The following PRKD1 variants were observed in gnomAD, a reference collection of about 807,000 sequenced individuals.
The protein encoded by PRKD1 is serine/threonine-protein kinase D1.
Under a neutral mutation model 95.9 loss-of-function variants are expected in PRKD1, and 63 were observed. The ratio of observed to expected loss-of-function variants is 0.66; its 90% CI spans 0.54 to 0.81. PRKD1 has a LOEUF of 0.81. Ranked by LOEUF, PRKD1 falls within the 30% of genes least tolerant of loss-of-function variation. PRKD1 has a pLI of 0.00. For missense variants in PRKD1, 1,048 were observed against 1,165.3 expected (o/e 0.90, Z 1.47); for synonymous variants, 425 against 423.1 (o/e 1.00, Z -0.05).
intron 16 of PRKD1, among the ~76,000 whole-genome samples, chr14:29,582,083 T>G (rs895728852): frequency 6.6e-6 from 1 of 152,174 alleles, no homozygotes; most frequent in African/African-American, 2.4e-5. Flanking sequence ...TAAGACTCAT[T>G]CTACCAATCT....
intron 1 of PRKD1, among the ~76,000 whole-genome samples, chr14:29,740,081 T>TTA (rs1886919391): frequency 1.3e-5 from 2 of 152,204 alleles, no homozygotes; most frequent in African/African-American, 4.8e-5. Flanking sequence ...CATTATACCT[T>TTA]GACAGATTAC....
At chr14:29,653,057 C>A (rs927748310) in intron 4 of PRKD1, among the ~76,000 whole-genome samples, 1 of 152,052 alleles carries the variant, frequency 6.6e-6, no homozygotes, top group Non-Finnish European at 1.5e-5. Context: ...GTTCTATGAA[C>A]GTATGCAGCC....
chr14:29,628,960 G>T, intron 11 of PRKD1, 81 bp downstream of exon 11: 1 of 1,018,392 alleles, frequency 9.8e-7, no homozygotes, highest in Non-Finnish European at 1.4e-6. Context: ...AAATTAAAAT[G>T]AATTAAAAAA....
At chr14:29,738,859 C>T (rs1886859452) in intron 1 of PRKD1, among the ~76,000 whole-genome samples, 1 of 145,612 alleles carries the variant, frequency 6.9e-6, no homozygotes, top group Non-Finnish European at 1.5e-5. Context: ...GACAGAGTCT[C>T]ACTCTGTTGC....
At chr14:29,908,507 G>A (rs924608776) in intron 1 of PRKD1, among the ~76,000 whole-genome samples, 9 of 151,700 alleles carry the variant, frequency 5.9e-5, no homozygotes, top group Admixed American at 3.3e-4. Context: ...GGCTGGTCTC[G>A]AACTTCTGAC....
intron 1 of PRKD1, among the ~76,000 whole-genome samples, chr14:29,875,124 T>G (rs1893240717): frequency 6.6e-6 from 1 of 152,176 alleles, no homozygotes; most frequent in South Asian, 2.1e-4. Flanking sequence ...GTAAAGATTT[T>G]ACCCTGAGAG....
At chr14:29,607,655 A>C (rs965679480) in intron 13 of PRKD1, among the ~76,000 whole-genome samples, 2 of 151,798 alleles carry the variant, frequency 1.3e-5, no homozygotes, top group African/African-American at 2.4e-5. Context: ...CACACTTTGA[A>C]TCTTTGTGAC....
intron 13 of PRKD1, among the ~76,000 whole-genome samples, chr14:29,604,408 G>A (rs1053223153): frequency 6.6e-6 from 1 of 152,128 alleles, no homozygotes; most frequent in Non-Finnish European, 1.5e-5. Flanking sequence ...GGGGACCTCT[G>A]ACTAATTTTC....
intron 2 of PRKD1, among the ~76,000 whole-genome samples, chr14:29,676,360 C>T (rs575811873): frequency 2.5e-3 from 375 of 151,686 alleles, no homozygotes; most frequent in African/African-American, 5.1e-3. Flanking sequence ...TAGTAGGCTC[C>T]GAAGAGGTGG....
chr14:29,688,935 C>A (rs1398457519), intron 2 of PRKD1, among the ~76,000 whole-genome samples: 1 of 111,012 alleles, frequency 9.0e-6, no homozygotes, highest in African/African-American at 3.7e-5. Flanking sequence ...GGTGATAGAG[C>A]GAGACTCCGT....
At chr14:29,738,302 TTCCC>T (rs1886821035) in intron 1 of PRKD1, among the ~76,000 whole-genome samples, 1 of 152,142 alleles carries the variant, frequency 6.6e-6, no homozygotes, top group Non-Finnish European at 1.5e-5. Flanking sequence ...GACTTTCCTT[TTCCC>T]TCCCTTTCTT....
intron 2 of PRKD1, among the ~76,000 whole-genome samples, chr14:29,687,730 TAACTGCTTAAGAGTCTAATGTTAAAACC>T (rs1317177244): frequency 1.3e-5 from 2 of 152,230 alleles, no homozygotes; most frequent in African/African-American, 2.4e-5. Flanking sequence ...TGTTACACAG[TAACTGCTTAAGAGTCTAATGTTAAAACC>T]AACCACACCT....
chr14:29,652,620 C>T (rs1196273104), intron 4 of PRKD1, among the ~76,000 whole-genome samples: 3 of 152,196 alleles, frequency 2.0e-5, no homozygotes, highest in Non-Finnish European at 2.9e-5. Context: ...TGAAAGTACA[C>T]ACTGCCCAGG....
At chr14:29,711,920 G>C (rs1202229895) in intron 2 of PRKD1, among the ~76,000 whole-genome samples, 3 of 152,094 alleles carry the variant, frequency 2.0e-5, no homozygotes, top group African/African-American at 7.2e-5. Flanking sequence ...TTTTAAGTCT[G>C]TGAAATTCAC....
At chr14:29,909,516 G>A (rs145217190) in intron 1 of PRKD1, among the ~76,000 whole-genome samples, 4,879 of 152,266 alleles carry the variant, frequency 0.032, 97 homozygotes, top group East Asian at 0.11. Flanking sequence ...GTCTAGCTAA[G>A]GGATTGTAGA....
chr14:29,688,696 C>T (rs1286528471), intron 2 of PRKD1, among the ~76,000 whole-genome samples: 1 of 152,062 alleles, frequency 6.6e-6, no homozygotes, highest in Non-Finnish European at 1.5e-5. Context: ...CTTTGGGAAG[C>T]CAAGGCAGGC....
chr14:29,921,724 G>C (rs770491494), intron 1 of PRKD1, among the ~76,000 whole-genome samples: 2 of 152,094 alleles, frequency 1.3e-5, no homozygotes, highest in Non-Finnish European at 2.9e-5. Flanking sequence ...TAGGAATCTG[G>C]TGAAAATAAA....
intron 1 of PRKD1, among the ~76,000 whole-genome samples, chr14:29,770,100 G>C (rs1206733044): frequency 6.6e-6 from 1 of 152,204 alleles, no homozygotes; most frequent in Non-Finnish European, 1.5e-5. Flanking sequence ...ATGAAGCAGA[G>C]AACAAGCCTT....
intron 2 of PRKD1, 27 bp downstream of exon 2, chr14:29,725,509 T>C: frequency 6.3e-7 from 1 of 1,596,634 alleles, no homozygotes; most frequent in Non-Finnish European, 8.5e-7. Context: ...AATCTACGGA[T>C]AAAGAAAAGG....
Sources: allele counts gnomAD v4.1 joint callset (sites outside exome capture counted in the v4.1 genomes callset), GRCh38; gene constraint gnomAD v4.1.1; transcripts MANE v1.5; gene names NCBI Gene and HGNC (gene_info 2026-07-23, HGNC 2026-07-21).